The following MSI1 variants were observed in gnomAD, a reference collection of about 807,000 sequenced individuals.
MSI1 encodes RNA-binding protein Musashi homolog 1.
In MSI1, 15 loss-of-function variants were observed where a neutral mutation model predicts 54.4. The observed-to-expected ratio is 0.28, with a 90% CI of 0.18 to 0.42. The LOEUF (loss-of-function observed/expected upper bound fraction) is 0.42, where lower values mean the gene tolerates loss of function less well. Ranked by LOEUF, MSI1 falls within the 20% of genes least tolerant of loss-of-function variation. The probability of loss-of-function intolerance (pLI) is 1.00; values close to 1 mark genes in which losing one functional copy is unlikely to be tolerated. For synonymous variants in MSI1, 200 were observed against 196.5 expected, an observed-to-expected ratio of 1.02 and a Z score of -0.15; for missense variants, 304 against 506.0, an observed-to-expected ratio of 0.60 and a Z score of 3.83.
chr12:120,363,271 C>A (rs1367340908), intron 5 of MSI1, 136 bp from the exon 6 acceptor site: 3 of 597,200 alleles, frequency 5.0e-6, no homozygotes, highest in Non-Finnish European at 8.6e-6. Flanking sequence ...GCCCCCCCCC[C>A]GCAAGCTCCC....
intron 4 of MSI1, among the ~76,000 whole-genome samples, chr12:120,366,668 CA>C (rs1179349545): frequency 2.0e-5 from 3 of 152,158 alleles, no homozygotes; most frequent in African/African-American, 7.2e-5. Flanking sequence ...AGTCAGAGCT[CA>C]AAATAGACTC....
At chr12:120,352,720 A>G (rs1874736615) in intron 10 of MSI1, among the ~76,000 whole-genome samples, 1 of 151,546 alleles carries the variant, frequency 6.6e-6, no homozygotes, top group Non-Finnish European at 1.5e-5. Flanking sequence ...TGTATTTCTT[A>G]TTTCAAAGAA....
chr12:120,359,294 A>C (rs1457201046), intron 6 of MSI1, among the ~76,000 whole-genome samples: 1 of 152,210 alleles, frequency 6.6e-6, no homozygotes, highest in Non-Finnish European at 1.5e-5. Context: ...CATTCCCTGC[A>C]TGGTAAGATC....
chr12:120,357,987 T>C, intron 7 of MSI1, 89 bp from the exon 8 acceptor site: 1 of 1,078,322 alleles, frequency 9.3e-7, no homozygotes, highest in Non-Finnish European at 1.4e-6. Context: ...TCCCCGCTCC[T>C]CTCTCTCTGG....
chr12:120,345,635 GA>G lies in MSI1; in HGVS notation c.1048-4del, dbSNP rs1565882243. On this transcript the variant is annotated splice_region_variant and splice_polypyrimidine_tract_variant and intron_variant, in intron 13 of 14. Coordinates refer to ENST00000257552, the MANE Select transcript of MSI1 (RefSeq NM_002442.4). ...AAGGCTGTGGCAATCAAAGGGCCCT[GA>G]AAAGGAAAGAATTTGACTCCTAGAT... 1 of 1,613,924 alleles carries G rather than the reference GA, an allele frequency of 6.2e-7. No individual in the cohort carries two copies. The highest frequency in any genetic ancestry group is 1.1e-5 in the South Asian group (1 of 91,078).
intron 6 of MSI1, among the ~76,000 whole-genome samples, chr12:120,361,699 C>G (rs942965064): frequency 4.6e-5 from 7 of 151,210 alleles, no homozygotes; most frequent in Admixed American, 1.3e-4. Context: ...TTGTTCCCCC[C>G]TCGGCGGCGG....
At chr12:120,365,411 A>C (rs1203664981) in intron 4 of MSI1, among the ~76,000 whole-genome samples, 2 of 152,236 alleles carry the variant, frequency 1.3e-5, no homozygotes, top group African/African-American at 4.8e-5. Flanking sequence ...AGCATTTGGC[A>C]TGGTGTCTAG....
intron 14 of MSI1, among the ~76,000 whole-genome samples, chr12:120,344,841 T>C (rs1565881774): frequency 6.7e-6 from 1 of 149,612 alleles, no homozygotes; most frequent in Non-Finnish European, 1.5e-5. Context: ...AACTCGTCTC[T>C]GCTAAAAACA....
At chr12:120,352,287 G>A (rs538435621) in intron 10 of MSI1, among the ~76,000 whole-genome samples, 3 of 152,220 alleles carry the variant, frequency 2.0e-5, no homozygotes, top group South Asian at 2.1e-4. Flanking sequence ...GATTACAGGC[G>A]TGAGTCACCA....
At chr12:120,359,170 C>T (rs915985300) in intron 6 of MSI1, 117 bp from the exon 7 acceptor site, 3 of 1,223,922 alleles carry the variant, frequency 2.5e-6, no homozygotes, top group African/African-American at 3.0e-5. Flanking sequence ...TGACCTTCAA[C>T]CTGCTCCCTG....
chr12:120,355,297 C>T (rs1324717870), intron 9 of MSI1, among the ~76,000 whole-genome samples: 19 of 150,430 alleles, frequency 1.3e-4, no homozygotes, highest in African/African-American at 4.4e-4. Flanking sequence ...CCCAGCTACT[C>T]GGGAGACTGA....
chr12:120,365,614 TA>T (rs1278225102), intron 4 of MSI1, among the ~76,000 whole-genome samples: 7 of 152,166 alleles, frequency 4.6e-5, no homozygotes, highest in African/African-American at 1.7e-4. Flanking sequence ...TGAGAGTTCA[TA>T]ACCATCAGGA....
chr12:120,362,699 G>T (rs1875750420), intron 6 of MSI1, among the ~76,000 whole-genome samples: 1 of 152,202 alleles, frequency 6.6e-6, no homozygotes, highest in African/African-American at 2.4e-5. Context: ...GCCTGGACAG[G>T]TGCAAACTCC....
In MSI1 at chr12:120,347,521, G is replaced by A. The variant is rs1592925265; in HGVS notation, c.791-7C>T. 6.2e-7 allele frequency: 1 copy of A among 1,614,050 alleles called. No individual in the cohort carries two copies. Among genetic ancestry groups the A allele is most frequent in the Non-Finnish European group, 8.5e-7 (1 of 1,179,994 alleles). On this transcript the variant is annotated splice_region_variant and splice_polypyrimidine_tract_variant and intron_variant, in intron 11 of 14. Coordinates refer to ENST00000257552, the MANE Select transcript of MSI1 (RefSeq NM_002442.4). ...TAGGCAGTGAGAGGAATGGCTGAAA[G>A]GAAAGGGATGGGCACATCAGCATGG...
At chr12:120,364,899 G>A (rs1204274499) in intron 4 of MSI1, 144 bp from the exon 5 acceptor site, 2 of 632,994 alleles carry the variant, frequency 3.2e-6, no homozygotes, top group African/African-American at 3.8e-5. Context: ...GGAGAGAATA[G>A]TGGTTAAGCA....
At chr12:120,357,965 G>A in intron 7 of MSI1, 67 bp from the exon 8 acceptor site, 11 of 1,374,024 alleles carry the variant, frequency 8.0e-6, no homozygotes, top group Non-Finnish European at 1.0e-5. Context: ...TCAACCCCAG[G>A]TCGTACCAAT....
chr12:120,353,458 A>G, intron 9 of MSI1, 79 bp from the exon 10 acceptor site: 1 of 1,239,906 alleles, frequency 8.1e-7, no homozygotes, highest in Non-Finnish European at 1.2e-6. Flanking sequence ...TGAGCCACTC[A>G]TGTCCCCTCA....
In MSI1 at chr12:120,368,327, C is replaced by G. The variant is rs531682921; in HGVS notation, c.101-54G>C. 92 of 1,029,210 alleles carry G rather than the reference C, an allele frequency of 8.9e-5. No homozygotes were observed. The highest frequency in any genetic ancestry group is 5.7e-4 in the African/African-American group (13 of 22,650). The allele number at this position is 1,029,210 out of a possible 1,614,324, so 63.8% of individuals were successfully genotyped here. A position where few individuals can be genotyped will look rare whatever the true frequency, so the allele number is the denominator to read the frequency against. On this transcript the variant is annotated intron_variant, in intron 2 of 14. Transcript: ENST00000257552. This position sits in a 1 kb window ranked among gnomAD's most constrained non-coding sequence, Gnocchi z 6.6. ...GCCCGGGCCCCGCGCCCTTCCCCCC[C>G]CCCCGTCCTTTGCCCCCGGTGACCC... is the stretch of plus-strand genomic sequence containing the variant.
chr12:120,368,906 G>A lies in MSI1; in HGVS notation c.60-33C>T, dbSNP rs1235000399. The A allele has an allele frequency of 7.3e-7, 1 of 1,375,948 alleles. No homozygotes were observed. The highest frequency in any genetic ancestry group is 9.6e-7 in the Non-Finnish European group (1 of 1,046,936). 85.2% of individuals were successfully genotyped at this position (1,375,948 alleles called of 1,614,324 possible). A position where few individuals can be genotyped will look rare whatever the true frequency, so the allele number is the denominator to read the frequency against. On this transcript the variant is annotated intron_variant, in intron 1 of 14. Coordinates refer to ENST00000257552, the MANE Select transcript of MSI1 (RefSeq NM_002442.4). This position sits in a 1 kb window ranked among gnomAD's most constrained non-coding sequence, Gnocchi z 6.6. ...AGGAGGAGAGACACAAAGGGCCCGC[G>A]TGAGCGCCGGGCGCCAGGGCGCAGG...
Sources: gnomAD v4.1 joint callset for allele counts (sites outside exome capture counted in the v4.1 genomes callset) on GRCh38, gnomAD v4.1.1 for gene constraint, Gnocchi (gnomAD v3.1) non-coding constraint, MANE v1.5 for transcripts, NCBI Gene and HGNC (gene_info 2026-07-23, HGNC 2026-07-21) for gene names.